Variants in ULK2 observed in about 807,000 individuals in gnomAD.
ULK2 encodes serine/threonine-protein kinase ULK2.
In ULK2, 76 loss-of-function variants were observed where a neutral mutation model predicts 127.5. The observed-to-expected ratio is 0.60, with a 90% CI of 0.50 to 0.72. ULK2 has a LOEUF of 0.72. Among genes scored for constraint, ULK2 ranks in the 30% least tolerant of loss-of-function variants. The pLI, the probability that ULK2 is intolerant of heterozygous loss-of-function variation, is 0.00. For synonymous variants in ULK2, 452 were observed against 461.9 expected, an observed-to-expected ratio of 0.98 and a Z score of 0.28; for missense variants, 1,144 against 1,295.9, an observed-to-expected ratio of 0.88 and a Z score of 1.80.
At position 19,799,920 on chromosome 17, in the gene ULK2, C is replaced by T. The variant is rs188507782; in HGVS notation, c.1442-345G>A. 5.3e-5 allele frequency among the ~76,000 whole-genome samples: 8 copies of T among 152,338 alleles called. No individual in the cohort carries two copies. In the East Asian group the frequency reaches 1.5e-3, roughly 29 times the overall value. ...TTGTGGAGCTGCAGGGCACAGCTAA[C>T]AGAGAGCCCCAGCTGCAGTCCCTCT... On this transcript the variant is annotated intron_variant, in intron 16 of 26. Coordinates refer to ENST00000395544, the MANE Select transcript of ULK2 (RefSeq NM_014683.4).
Position 19,783,814 on chromosome 17 carries a change from AG to A in ULK2, c.2342del (p.Pro781LeufsTer10). The A allele has an allele frequency of 6.2e-7, 1 of 1,604,048 alleles. No homozygotes were observed. On this transcript the variant is annotated frameshift_variant, in exon 22 of 27. Coordinates refer to ENST00000395544, the MANE Select transcript of ULK2 (RefSeq NM_014683.4). LOFTEE classifies it high-confidence loss of function. ...SPPGPGFGSS[P>X]PGAEAAPSLR... ...GGCTGGGAGCTGCCTCTGCTCCTGG[AG>A]GGGAAGAGCCGAAGCCTGGGCCAGG...
At chr17:19,797,345 C>A in intron 18 of ULK2, 51 bp downstream of exon 18, 1 of 1,501,344 alleles carries the variant, frequency 6.7e-7, no homozygotes. Context: ...GAATCCTTTC[C>A]ATAAAGTACT....
rs576907720 is a variant in ULK2, at chr17:19,867,890, C to G, written c.-473G>C. 7.0e-3 allele frequency: 1,064 copies of G among 151,072 alleles called. 15 individuals carry two copies. Among genetic ancestry groups the G allele is most frequent in the African/African-American group, 0.024 (984 of 41,394 alleles). The allele number at this position is 151,072 out of a possible 1,614,324, so 9.4% of individuals were successfully genotyped here. On this transcript the variant is annotated 5_prime_UTR_variant, in exon 1 of 27. Coordinates refer to ENST00000395544, the MANE Select transcript of ULK2 (RefSeq NM_014683.4). The stretch of plus-strand genomic sequence containing the variant: ...CGCGGCCCCGCGCTTCCCCGCCTCG[C>G]GGCGGCGCCCAACGCCCTCGCGCGC...
chr17:19,841,777 C>T (rs1446421290), intron 8 of ULK2, among the ~76,000 whole-genome samples: 1 of 152,038 alleles, frequency 6.6e-6, no homozygotes, highest in East Asian at 1.9e-4. Flanking sequence ...CCATGGATTG[C>T]TGAAGGACCC....
At chr17:19,830,641 A>G (rs939611099) in intron 10 of ULK2, among the ~76,000 whole-genome samples, 16 of 151,272 alleles carry the variant, frequency 1.1e-4, no homozygotes. Context: ...AAAAAAAACT[A>G]GAAATCAGTA....
intron 12 of ULK2, among the ~76,000 whole-genome samples, chr17:19,820,142 G>A (rs751705962): frequency 6.6e-6 from 1 of 150,850 alleles, no homozygotes; most frequent in Non-Finnish European, 1.5e-5. Flanking sequence ...TCCGCCTCCC[G>A]GGTTCAAGCG....
intron 10 of ULK2, among the ~76,000 whole-genome samples, chr17:19,836,836 CG>C (rs772169462): frequency 6.7e-6 from 1 of 149,824 alleles, no homozygotes; most frequent in Non-Finnish European, 1.5e-5. Context: ...ACCCAGGAGG[CG>C]GAAGTTGCAG....
At chr17:19,808,009 G>C (rs1192573036) in intron 14 of ULK2, among the ~76,000 whole-genome samples, 1 of 152,190 alleles carries the variant, frequency 6.6e-6, no homozygotes, top group African/African-American at 2.4e-5. Context: ...TGGAGGCTGA[G>C]GCAGGAGAAT....
At chr17:19,861,413 C>T (rs550185958) in intron 3 of ULK2, among the ~76,000 whole-genome samples, 3 of 152,078 alleles carry the variant, frequency 2.0e-5, no homozygotes, top group South Asian at 2.1e-4. Flanking sequence ...GGTATGATGG[C>T]GGGCGCCTGT....
rs1042316105 is a variant in ULK2 at position 19,773,250 on chromosome 17, C to A, written c.*3099G>T. The A allele has an allele frequency of 6.6e-6, 1 of 152,264 alleles. No individual in the cohort carries two copies. Among genetic ancestry groups the A allele is most frequent in the African/African-American group, 2.4e-5 (1 of 41,460 alleles). 9.4% of individuals were successfully genotyped at this position (152,264 alleles called of 1,614,324 possible). Reference sequence around the variant, plus strand: ...CAAGATTGCGCCAATGCACTCCAGCCTGGGCAACAGGGTGACTCTGTCTCA... The same window carrying A: ...CAAGATTGCGCCAATGCACTCCAGCATGGGCAACAGGGTGACTCTGTCTCA... On this transcript the variant is annotated 3_prime_UTR_variant, in exon 27 of 27. Coordinates refer to ENST00000395544, the MANE Select transcript of ULK2 (RefSeq NM_014683.4).
At chr17:19,822,486 T>C (rs955490396) in intron 12 of ULK2, among the ~76,000 whole-genome samples, 2 of 147,628 alleles carry the variant, frequency 1.4e-5, no homozygotes, top group African/African-American at 5.0e-5. Context: ...CTCAGCCTCC[T>C]GAGTATCTGG....
chr17:19,801,302 G>A (rs1000918389), intron 16 of ULK2, among the ~76,000 whole-genome samples: 5 of 152,288 alleles, frequency 3.3e-5, no homozygotes, highest in African/African-American at 9.6e-5. Flanking sequence ...GGCCGGGCGC[G>A]GTGGCTCACA....
chr17:19,803,539 C>A (rs1184334982), intron 15 of ULK2, among the ~76,000 whole-genome samples: 2 of 152,176 alleles, frequency 1.3e-5, no homozygotes, highest in African/African-American at 4.8e-5. Flanking sequence ...ACCTCATGGA[C>A]CCTCTGAAGG....
At chr17:19,782,191 G>A in intron 22 of ULK2, 124 bp from the exon 23 acceptor site, 1 of 1,080,734 alleles carries the variant, frequency 9.3e-7, no homozygotes, top group South Asian at 1.7e-5. Context: ...ATGACAAAAG[G>A]AGATTGAAAT....
At chr17:19,842,982 T>A in intron 8 of ULK2, 139 bp downstream of exon 8, 1 of 744,986 alleles carries the variant, frequency 1.3e-6, no homozygotes, top group Non-Finnish European at 2.3e-6. Context: ...TAAAGCAGTT[T>A]TTGCCTATAA....
intron 1 of ULK2, among the ~76,000 whole-genome samples, chr17:19,866,865 G>A (rs1009073660): frequency 6.6e-6 from 1 of 152,192 alleles, no homozygotes; most frequent in Non-Finnish European, 1.5e-5. Flanking sequence ...TGCTGGGAAA[G>A]GTGACACCTC....
At chr17:19,861,581 A>C (rs926449621) in intron 3 of ULK2, among the ~76,000 whole-genome samples, 1 of 152,172 alleles carries the variant, frequency 6.6e-6, no homozygotes, top group Non-Finnish European at 1.5e-5. Context: ...GTATACTTTC[A>C]AAACAAAACC....
rs138198903 is a variant in ULK2, at chr17:19,833,027, G to T, written c.787+5474C>A. Among the ~76,000 whole-genome samples, 375 of 151,788 alleles carry T rather than the reference G, an allele frequency of 2.5e-3. 16 individuals are homozygous for T. In the East Asian group the frequency reaches 0.061, roughly 25 times the overall value. On this transcript the variant is annotated intron_variant, in intron 10 of 26. Transcript: ENST00000395544. ...AATCCCAGCTACTCGGGAGGCTGAG[G>T]CAGGAGAATTGTTTGAACTCGGGCG...
chr17:19,865,686 T>C (rs1274194245), intron 2 of ULK2, 50 bp downstream of exon 2: 1 of 1,126,892 alleles, frequency 8.9e-7, no homozygotes. Context: ...ATGTATTCAT[T>C]TAAATTAAGT....
Sources: allele counts gnomAD v4.1 joint callset (sites outside exome capture counted in the v4.1 genomes callset), GRCh38; gene constraint gnomAD v4.1.1; transcripts MANE v1.5; gene names NCBI Gene and HGNC (gene_info 2026-07-23, HGNC 2026-07-21).